The following NOSTRIN variants were observed in gnomAD, a reference collection of about 807,000 sequenced individuals.
The protein encoded by NOSTRIN is BM247 homolog.
A neutral mutation model predicts 59.0 loss-of-function variants in NOSTRIN; 63 were observed. That is an observed-to-expected ratio of 1.07 (90% CI 0.87 to 1.32). The LOEUF is 1.32. Among genes scored for constraint, NOSTRIN ranks in the 40% most tolerant of loss-of-function variants. The pLI is 0.00. For missense variants in NOSTRIN, 512 were observed against 473.1 expected, an observed-to-expected ratio of 1.08 and a Z score of -0.76; for synonymous variants, 200 against 165.4, an observed-to-expected ratio of 1.21 and a Z score of -1.61.
chr2:168,823,259 G>A (rs966066367), intron 2 of NOSTRIN, among the ~76,000 whole-genome samples: 3 of 151,914 alleles, frequency 2.0e-5, no homozygotes, highest in Non-Finnish European at 4.4e-5. Flanking sequence ...CTTGTGATCC[G>A]CCCACCTCGG....
At chr2:168,857,164 T>C (rs1230389700) in intron 12 of NOSTRIN, among the ~76,000 whole-genome samples, 1 of 152,226 alleles carries the variant, frequency 6.6e-6, no homozygotes, top group African/African-American at 2.4e-5. Context: ...CAACTTTAGT[T>C]TTCTCATCCG....
chr2:168,841,198 G>A (rs1173358099), intron 7 of NOSTRIN, among the ~76,000 whole-genome samples: 2 of 129,134 alleles, frequency 1.5e-5, no homozygotes, highest in Admixed American at 9.3e-5. Context: ...TTCTGTCACT[G>A]AACTCCAGCC....
chr2:168,822,362 T>C lies in NOSTRIN; in HGVS notation c.114-2272T>C, dbSNP rs1686794734. 1.3e-5 allele frequency among the ~76,000 whole-genome samples: 2 copies of C among 151,942 alleles called. 1 individual carries two copies. The highest frequency in any genetic ancestry group is 2.9e-5 in the Non-Finnish European group (2 of 67,988). ...TGTACTAAGAGAAAAAAAAAATGAA[T>C]AGTAATTTAGCAATAGATCAATAGC... is the stretch of plus-strand genomic sequence containing the variant. On this transcript the variant is annotated intron_variant, in intron 2 of 15. Coordinates refer to ENST00000317647, the MANE Select transcript of NOSTRIN (RefSeq NM_001039724.4).
At chr2:168,850,816 C>G (rs1688719801) in intron 8 of NOSTRIN, 1 of 778,958 alleles carries the variant, frequency 1.3e-6, no homozygotes, top group African/African-American at 1.7e-5. Context: ...TTCTTTTCTC[C>G]CCCTTCCTCA....
intron 3 of NOSTRIN, among the ~76,000 whole-genome samples, chr2:168,825,668 TA>T (rs146046051): frequency 0.011 from 1,678 of 152,294 alleles, 35 homozygotes; most frequent in African/African-American, 0.038. Context: ...ATTCCTTTAT[TA>T]GGGGGAGAGA....
chr2:168,834,434 C>G, intron 7 of NOSTRIN, 109 bp downstream of exon 7: 1 of 633,790 alleles, frequency 1.6e-6, no homozygotes, highest in East Asian at 2.9e-5. Context: ...CTGTGGGATT[C>G]CTGCAGAGAT....
At position 168,823,238 on chromosome 2, in the gene NOSTRIN, G is replaced by A. The variant is rs144868009; in HGVS notation, c.114-1396G>A. ...TCACTGTGTTAGCCAGGATGGTCTC[G>A]ATCTCCTGACCTTGTGATCCGCCCA... On this transcript the variant is annotated intron_variant, in intron 2 of 15. Transcript: ENST00000317647. 9.0e-3 allele frequency among the ~76,000 whole-genome samples: 1,374 copies of A among 152,086 alleles called. 17 individuals are homozygous for A. The highest frequency in any genetic ancestry group is 0.031 in the African/African-American group (1,287 of 41,486).
chr2:168,802,047 A>C (rs1408375823), upstream of NOSTRIN, among the ~76,000 whole-genome samples: 1 of 151,908 alleles, frequency 6.6e-6, no homozygotes, highest in Non-Finnish European at 1.5e-5. Context: ...TGTGGGATTT[A>C]GGGGGTGGGG....
intron 7 of NOSTRIN, among the ~76,000 whole-genome samples, 176 bp downstream of exon 7, chr2:168,834,501 G>GCACACACACACACACACA (rs1425272036): frequency 2.7e-5 from 3 of 110,748 alleles, no homozygotes; most frequent in Admixed American, 8.8e-5. Context: ...GCGCGCGCGC[G>GCACACACACACACACACA]CGCGCGCACA....
In NOSTRIN at chr2:168,839,915, ATATATATGTGTG is replaced by A. The variant is rs145794421; in HGVS notation, c.505-3075_505-3064del. 6.5e-3 allele frequency among the ~76,000 whole-genome samples: 593 copies of A among 90,984 alleles called. 7 individuals are homozygous for A. The highest frequency in any genetic ancestry group is 0.023 in the Middle Eastern group (4 of 174). 59.7% of individuals were successfully genotyped at this position (90,984 alleles called of 152,430 possible). ...AAAAAAAAAAAATATATATATATAT[ATATATATGTGTG>A]TGTGTGTGTGTGTATGAGTATACAT... On this transcript the variant is annotated intron_variant, in intron 7 of 15. Transcript: ENST00000317647.
chr2:168,850,255 A>G (rs1026838449), intron 8 of NOSTRIN, among the ~76,000 whole-genome samples: 1 of 152,236 alleles, frequency 6.6e-6, no homozygotes, highest in East Asian at 1.9e-4. Flanking sequence ...GATTCCCCTC[A>G]CTTTCTTATT....
chr2:168,809,531 G>A (rs1054911257), intron 1 of NOSTRIN, among the ~76,000 whole-genome samples: 7 of 152,050 alleles, frequency 4.6e-5, no homozygotes, highest in African/African-American at 1.7e-4. Context: ...AAAACAAAAG[G>A]CTTAGGGAGA....
intron 5 of NOSTRIN, among the ~76,000 whole-genome samples, chr2:168,830,400 C>T (rs1687296940): frequency 6.6e-6 from 1 of 152,206 alleles, no homozygotes. Context: ...CTAAAGTGAC[C>T]TTGTTCCACA....
At chr2:168,842,957 GT>G (rs1688188539) in intron 7 of NOSTRIN, 34 bp from the exon 8 acceptor site, 1 of 860,834 alleles carries the variant, frequency 1.2e-6, no homozygotes, top group Non-Finnish European at 2.0e-6. Flanking sequence ...TCAAAAATGT[GT>G]TAGTAAATGT....
intron 7 of NOSTRIN, among the ~76,000 whole-genome samples, chr2:168,839,023 G>C (rs554601568): frequency 1.3e-5 from 2 of 152,120 alleles, no homozygotes; most frequent in East Asian, 3.9e-4. Flanking sequence ...GACCACAGGT[G>C]ATCTGCCCGA....
At chr2:168,794,481 A>G (rs1473503803), upstream of NOSTRIN, among the ~76,000 whole-genome samples, 3 of 151,760 alleles carry the variant, frequency 2.0e-5, no homozygotes, top group African/African-American at 7.3e-5. Context: ...CCTCCTGAGT[A>G]GCTGGGACTA....
intron 14 of NOSTRIN, among the ~76,000 whole-genome samples, 177 bp downstream of exon 14, chr2:168,861,086 A>C (rs1184729481): frequency 6.6e-6 from 1 of 152,232 alleles, no homozygotes; most frequent in Non-Finnish European, 1.5e-5. Context: ...GGAAAAAGTT[A>C]AGAAGAGTAG....
At chr2:168,797,553 A>G (rs13396920), upstream of NOSTRIN, among the ~76,000 whole-genome samples, 2,773 of 152,350 alleles carry the variant, frequency 0.018, 85 homozygotes, top group African/African-American at 0.063. Flanking sequence ...ACATAAAGCT[A>G]TAAGGACTTC....
chr2:168,829,152 A>G (rs1000258116), intron 5 of NOSTRIN, among the ~76,000 whole-genome samples: 21 of 152,152 alleles, frequency 1.4e-4, no homozygotes, highest in African/African-American at 3.9e-4. Context: ...ATGTCCTAAA[A>G]ATTACAGAAA....
Sources: allele counts gnomAD v4.1 joint callset (sites outside exome capture counted in the v4.1 genomes callset), GRCh38; gene constraint gnomAD v4.1.1; transcripts MANE v1.5; gene names NCBI Gene and HGNC (gene_info 2026-07-23, HGNC 2026-07-21).